The following CABP1 variants were observed in gnomAD, a reference collection of about 807,000 sequenced individuals.
CABP1 encodes calcium-binding protein 1.
In CABP1, 17 loss-of-function variants were observed where a neutral mutation model predicts 34.3. The ratio of observed to expected loss-of-function variants is 0.50; its 90% CI spans 0.34 to 0.74. CABP1 has a LOEUF of 0.74. Among genes scored for constraint, CABP1 ranks in the 30% least tolerant of loss-of-function variants. CABP1 has a pLI of 0.01. For synonymous variants in CABP1, 198 were observed against 229.2 expected, an observed-to-expected ratio of 0.86 and a Z score of 1.23; for missense variants, 373 against 511.1, an observed-to-expected ratio of 0.73 and a Z score of 2.61.
chr12:120,650,218 G>A (rs1879756426), intron 1 of CABP1: 1 of 166,066 alleles, frequency 6.0e-6, no homozygotes, highest in Non-Finnish European at 1.3e-5. Flanking sequence ...TGGCAGCGGG[G>A]AAAGGAGGGG....
At chr12:120,642,394 C>G (rs1166299006) in intron 1 of CABP1, among the ~76,000 whole-genome samples, 1 of 152,168 alleles carries the variant, frequency 6.6e-6, no homozygotes, top group Admixed American at 6.5e-5. Context: ...CAAGGAGGCC[C>G]TGTGTGTTTT....
intron 1 of CABP1, chr12:120,656,254 C>A: frequency 6.4e-7 from 1 of 1,563,846 alleles, no homozygotes; most frequent in East Asian, 2.3e-5. Context: ...GCAAGGGCTT[C>A]GCTGAGAACA....
chr12:120,660,462 C>A lies in CABP1; in HGVS notation c.829+123C>A. 2 of 1,084,440 alleles carry A rather than the reference C, an allele frequency of 1.8e-6. No homozygotes were observed. The highest frequency in any genetic ancestry group is 1.3e-6 in the Non-Finnish European group (1 of 760,816). The allele number at this position is 1,084,440 out of a possible 1,614,324, so 67.2% of individuals were successfully genotyped here. ...TACCAGCTCTGTGATCTGGGGCCAA[C>A]CACTTACCCTCTCTGAGCCTCAGTT... is the stretch of plus-strand genomic sequence containing the variant. On this transcript the variant is annotated intron_variant, in intron 3 of 5. Transcript: ENST00000316803. The surrounding 1 kb of genome is among the most constrained non-coding windows in gnomAD (Gnocchi z 5.0).
chr12:120,656,251 C>A, intron 1 of CABP1: 1 of 1,567,666 alleles, frequency 6.4e-7, no homozygotes, highest in Non-Finnish European at 8.7e-7. Flanking sequence ...TGCGCAAGGG[C>A]TTCGCTGAGA....
intron 1 of CABP1, among the ~76,000 whole-genome samples, chr12:120,653,101 T>C (rs1345074028): frequency 1.3e-5 from 2 of 152,212 alleles, no homozygotes; most frequent in East Asian, 1.9e-4. Flanking sequence ...CCATTCTTCA[T>C]GGGAGCAAAT....
rs1013461959 is a variant in CABP1 at position 120,660,893 on chromosome 12, G to A, written c.939+53G>A. Reference sequence around the variant, plus strand: ...GGCGGCTATTGGAATCCTATCTGCAGTATAAATACTTCAAAAGAAGCCTGA... The same window carrying A: ...GGCGGCTATTGGAATCCTATCTGCAATATAAATACTTCAAAAGAAGCCTGA... On this transcript the variant is annotated intron_variant, in intron 4 of 5. Transcript: ENST00000316803. The surrounding 1 kb of genome is among the most constrained non-coding windows in gnomAD (Gnocchi z 5.0). 7.0e-6 allele frequency: 10 copies of A among 1,436,278 alleles called. No individual in the cohort carries two copies. The highest frequency in any genetic ancestry group is 1.1e-5 in the South Asian group (1 of 87,082). 89.0% of individuals were successfully genotyped at this position (1,436,278 alleles called of 1,614,324 possible). A position where few individuals can be genotyped will look rare whatever the true frequency, so the allele number is the denominator to read the frequency against.
At chr12:120,648,093 A>G (rs1266721997) in intron 1 of CABP1, among the ~76,000 whole-genome samples, 1 of 152,076 alleles carries the variant, frequency 6.6e-6, no homozygotes, top group African/African-American at 2.4e-5. Flanking sequence ...ATATCCACCC[A>G]TTCATACCTG....
At chr12:120,656,161 C>G (rs748258325) in intron 1 of CABP1, 2 of 1,613,812 alleles carry the variant, frequency 1.2e-6, no homozygotes, top group South Asian at 2.2e-5. Flanking sequence ...CGGCTGACGC[C>G]GAGCTCCCGG....
chr12:120,653,122 C>T (rs1027346704), intron 1 of CABP1, among the ~76,000 whole-genome samples: 3 of 152,160 alleles, frequency 2.0e-5, no homozygotes. Flanking sequence ...TCCTCTCCAT[C>T]CTTCTCATTT....
At chr12:120,646,216 A>G (rs1593154787) in intron 1 of CABP1, among the ~76,000 whole-genome samples, 1 of 152,328 alleles carries the variant, frequency 6.6e-6, no homozygotes, top group Non-Finnish European at 1.5e-5. Flanking sequence ...CTCACGTTAC[A>G]GTCCAGCTTT....
downstream of CABP1, among the ~76,000 whole-genome samples, chr12:120,667,752 G>T (rs6490300): frequency 0.56 from 84,800 of 152,040 alleles, 25,902 homozygotes; most frequent in African/African-American, 0.82. Context: ...CCTCCCAAAG[G>T]GCTGGGATTC....
chr12:120,657,403 C>G (rs1018368987), intron 1 of CABP1, among the ~76,000 whole-genome samples: 1 of 152,132 alleles, frequency 6.6e-6, no homozygotes, highest in Non-Finnish European at 1.5e-5. Flanking sequence ...TGGTATTAAC[C>G]CATTTTACAG....
chr12:120,644,522 T>C (rs1879465363), intron 1 of CABP1, among the ~76,000 whole-genome samples: 1 of 152,158 alleles, frequency 6.6e-6, no homozygotes, highest in Non-Finnish European at 1.5e-5. Context: ...ACATGGGGCT[T>C]TAGGTCTTGG....
At chr12:120,652,165 C>T (rs1034382776) in intron 1 of CABP1, among the ~76,000 whole-genome samples, 1 of 152,210 alleles carries the variant, frequency 6.6e-6, no homozygotes, top group Non-Finnish European at 1.5e-5. Context: ...AAATAAAGTG[C>T]TGTGCACAGT....
chr12:120,658,300 AT>A (rs546593725), intron 1 of CABP1, among the ~76,000 whole-genome samples: 167 of 152,016 alleles, frequency 1.1e-3, no homozygotes, highest in African/African-American at 4.0e-3. Flanking sequence ...GTCTCACTAT[AT>A]CGCCCAGGCT....
At position 120,661,414 on chromosome 12, in the gene CABP1, T is replaced by G; in HGVS notation, c.1087+196T>G. 1.7e-6 allele frequency: 1 copy of G among 581,444 alleles called. No individual in the cohort carries two copies. Among genetic ancestry groups the G allele is most frequent in the Non-Finnish European group, 3.0e-6 (1 of 331,552 alleles). 36.0% of individuals were successfully genotyped at this position (581,444 alleles called of 1,614,324 possible). A position where few individuals can be genotyped will look rare whatever the true frequency, so the allele number is the denominator to read the frequency against. ...TTCCCCATGCATCTATTCATGCATC[T>G]GTCCATCCATCTATCCATCCTCTAC... On this transcript the variant is annotated intron_variant, in intron 5 of 5. Coordinates refer to ENST00000316803, the MANE Select transcript of CABP1 (RefSeq NM_001033677.2). The surrounding 1 kb of genome is among the most constrained non-coding windows in gnomAD (Gnocchi z 5.1).
rs10557275 is a variant in CABP1, at chr12:120,647,560, C to CTTTTT, written c.654+6242_654+6246dup. Among the ~76,000 whole-genome samples, 42 of 75,656 alleles carry CTTTTT rather than the reference C, an allele frequency of 5.6e-4. 1 individual carries two copies. Among genetic ancestry groups the CTTTTT allele is most frequent in the Admixed American group, 9.0e-4 (5 of 5,566 alleles). The allele number at this position is 75,656 out of a possible 152,430, so 49.6% of individuals were successfully genotyped here. A position where few individuals can be genotyped will look rare whatever the true frequency, so the allele number is the denominator to read the frequency against. ...GTCAGCGTGACTCCTCAGTCCAAGC[C>CTTTTT]TTTTTTTTTTTTTTTTTTTTTTTTT... On this transcript the variant is annotated intron_variant, in intron 1 of 5. Coordinates refer to ENST00000316803, the MANE Select transcript of CABP1 (RefSeq NM_001033677.2).
At chr12:120,655,891 C>A in intron 1 of CABP1, 4 of 1,536,270 alleles carry the variant, frequency 2.6e-6, no homozygotes, top group Non-Finnish European at 3.5e-6. Context: ...CAGCTCTCCC[C>A]GGAACCACCA....
chr12:120,671,121 G>A (rs1881237626), downstream of CABP1, among the ~76,000 whole-genome samples: 1 of 152,056 alleles, frequency 6.6e-6, no homozygotes, highest in Non-Finnish European at 1.5e-5. Flanking sequence ...GCTTAGTTAG[G>A]AGAGGTGGGC....
Sources: allele counts gnomAD v4.1 joint callset (sites outside exome capture counted in the v4.1 genomes callset), GRCh38; gene constraint gnomAD v4.1.1; non-coding constraint Gnocchi (gnomAD v3.1); transcripts MANE v1.5; gene names NCBI Gene and HGNC (gene_info 2026-07-23, HGNC 2026-07-21).